The following CNTNAP2 variants were observed in gnomAD, a reference collection of about 807,000 sequenced individuals.
CNTNAP2 encodes contactin associated protein 2.
In CNTNAP2, 98 loss-of-function variants were observed where a neutral mutation model predicts 155.2. The observed-to-expected ratio is 0.63, with a 90% confidence interval of 0.54 to 0.75. The LOEUF (loss-of-function observed/expected upper bound fraction) is 0.75, where lower values mean the gene tolerates loss of function less well. CNTNAP2 is among the 30% of genes least tolerant of loss of function. CNTNAP2 has a pLI of 0.00. For synonymous variants in CNTNAP2, 651 were observed against 631.2 expected (o/e 1.03, Z -0.47); for missense variants, 1,727 against 1,688.1 (o/e 1.02, Z -0.40).
At chr7:146,667,718 CTTT>C (rs35550665) in intron 1 of CNTNAP2, among the ~76,000 whole-genome samples, 10 of 149,992 alleles carry the variant, frequency 6.7e-5, no homozygotes, top group East Asian at 3.9e-4. Context: ...TAGGTTTCCT[CTTT>C]TTTTTTTTGT....
At chr7:146,603,187 C>A (rs933443410) in intron 1 of CNTNAP2, among the ~76,000 whole-genome samples, 2 of 151,174 alleles carry the variant, frequency 1.3e-5, no homozygotes, top group Non-Finnish European at 2.9e-5. Context: ...CCAAGGCGGG[C>A]GGATCATGAG....
chr7:147,674,670 A>G (rs1332232077), intron 13 of CNTNAP2, among the ~76,000 whole-genome samples: 1 of 152,176 alleles, frequency 6.6e-6, no homozygotes, highest in East Asian at 1.9e-4. Flanking sequence ...TATCTTCATC[A>G]TGATAAGATT....
chr7:146,805,257 C>T (rs1802946762), intron 2 of CNTNAP2, among the ~76,000 whole-genome samples: 1 of 152,116 alleles, frequency 6.6e-6, no homozygotes, highest in African/African-American at 2.4e-5. Context: ...GGCCCGCATT[C>T]CTTGAATTCT....
At chr7:147,664,811 G>A (rs974667935) in intron 13 of CNTNAP2, among the ~76,000 whole-genome samples, 2 of 152,166 alleles carry the variant, frequency 1.3e-5, no homozygotes, top group Non-Finnish European at 2.9e-5. Flanking sequence ...GTGGCTAGAA[G>A]CAAGAAAACA....
rs914216029 is a variant in CNTNAP2 at position 148,172,199 on chromosome 7, A to C, written c.2774-43A>C. ...AAAATATGAAGAATTAAGCAATAGC[A>C]GAGGTTATTCCCTCTGAACTCTGTG... On this transcript the variant is annotated intron_variant, in intron 17 of 23. Transcript: ENST00000361727. 3.2e-6 allele frequency: 5 copies of C among 1,581,836 alleles called. No individual in the cohort carries two copies. The African/African-American group carries it at 5.4e-5, about 17-fold the overall frequency.
intron 19 of CNTNAP2, among the ~76,000 whole-genome samples, chr7:148,226,799 C>T (rs1795860224): frequency 6.6e-6 from 1 of 152,200 alleles, no homozygotes; most frequent in Non-Finnish European, 1.5e-5. Flanking sequence ...ATGTATAAAA[C>T]CCCAAATCAA....
chr7:146,494,754 A>G (rs1204298627), intron 1 of CNTNAP2, among the ~76,000 whole-genome samples: 1 of 152,216 alleles, frequency 6.6e-6, no homozygotes, highest in Non-Finnish European at 1.5e-5. Flanking sequence ...TTTATATTTA[A>G]GTATACCCCC....
chr7:147,165,960 A>G (rs1388897173), intron 8 of CNTNAP2, among the ~76,000 whole-genome samples: 1 of 152,182 alleles, frequency 6.6e-6, no homozygotes, highest in Non-Finnish European at 1.5e-5. Context: ...CCACTATGGA[A>G]AACAGTGTGG....
intron 1 of CNTNAP2, among the ~76,000 whole-genome samples, chr7:146,167,081 C>A (rs887195798): frequency 1.3e-5 from 2 of 152,178 alleles, no homozygotes; most frequent in African/African-American, 4.8e-5. Flanking sequence ...GGGCGCATAG[C>A]AGTTGCTCTG....
intron 10 of CNTNAP2, among the ~76,000 whole-genome samples, chr7:147,399,084 C>A (rs1012580634): frequency 6.6e-6 from 1 of 151,916 alleles, no homozygotes; most frequent in African/African-American, 2.4e-5. Context: ...ACCCAGAGAG[C>A]ACAGGCAACG....
At chr7:146,228,695 T>C (rs1799334932) in intron 1 of CNTNAP2, among the ~76,000 whole-genome samples, 1 of 152,192 alleles carries the variant, frequency 6.6e-6, no homozygotes. Context: ...CATCTCTTTA[T>C]GCAATTTCCT....
At chr7:146,506,184 C>A (rs948950917) in intron 1 of CNTNAP2, among the ~76,000 whole-genome samples, 5 of 152,196 alleles carry the variant, frequency 3.3e-5, no homozygotes, top group African/African-American at 1.2e-4. Context: ...AGGCAAACAG[C>A]AGACTGGTGG....
intron 3 of CNTNAP2, among the ~76,000 whole-genome samples, chr7:146,975,555 G>A (rs920646803): frequency 7.9e-5 from 12 of 152,244 alleles, no homozygotes; most frequent in East Asian, 5.8e-4. Context: ...GAGTGCAGGC[G>A]TGAAGTATAG....
chr7:147,703,361 A>G (rs76572623), intron 13 of CNTNAP2, among the ~76,000 whole-genome samples: 9,039 of 152,280 alleles, frequency 0.059, 358 homozygotes, highest in Middle Eastern at 0.11. Context: ...TCAAGTGAGG[A>G]GCCACCAGAA....
Position 146,922,587 on chromosome 7 carries a change from G to A in CNTNAP2, c.402+82683G>A, listed in dbSNP as rs902200293. ...CCTATGAATAGGTGAGAATTGAAGA[G>A]AGGCAGTATGGAATTGCAGTGTATA... On this transcript the variant is annotated intron_variant, in intron 3 of 23. Coordinates refer to ENST00000361727, the MANE Select transcript of CNTNAP2 (RefSeq NM_014141.6). Among the ~76,000 whole-genome samples the A allele has an allele frequency of 2.0e-5, 3 of 152,150 alleles. No homozygotes were observed. In the South Asian group the frequency reaches 6.2e-4, roughly 32 times the overall value.
At chr7:147,367,919 C>T (rs978312390) in intron 9 of CNTNAP2, among the ~76,000 whole-genome samples, 2 of 152,016 alleles carry the variant, frequency 1.3e-5, no homozygotes, top group African/African-American at 2.4e-5. Flanking sequence ...CCTTTGCGGT[C>T]AGGTCCTTCC....
chr7:146,270,614 A>T (rs1800066472), intron 1 of CNTNAP2, among the ~76,000 whole-genome samples: 1 of 152,122 alleles, frequency 6.6e-6, no homozygotes. Flanking sequence ...TTTTATGATC[A>T]TTTTTTACAT....
chr7:148,411,822 C>T (rs1354891476), intron 23 of CNTNAP2, among the ~76,000 whole-genome samples: 1 of 146,240 alleles, frequency 6.8e-6, no homozygotes, highest in African/African-American at 2.5e-5. Context: ...ATTGAATTTT[C>T]TTGGCACTTT....
At chr7:146,629,919 G>A (rs1799482792) in intron 1 of CNTNAP2, among the ~76,000 whole-genome samples, 2 of 151,900 alleles carry the variant, frequency 1.3e-5, no homozygotes, top group Admixed American at 1.3e-4. Flanking sequence ...TTTTAGGATG[G>A]GGTATACACT....
Sources: allele counts gnomAD v4.1 joint callset (sites outside exome capture counted in the v4.1 genomes callset), GRCh38; gene constraint gnomAD v4.1.1; transcripts MANE v1.5; gene names NCBI Gene and HGNC (gene_info 2026-07-23, HGNC 2026-07-21).